CYP39A1: variants seen among roughly 807,000 people sequenced by gnomAD.
The protein encoded by CYP39A1 is 24-hydroxycholesterol 7-alpha-hydroxylase.
CYP39A1 carries 49 observed loss-of-function variants against 58.1 expected under a neutral mutation model. That is an observed-to-expected ratio of 0.84 (90% CI 0.67 to 1.07). CYP39A1 has a LOEUF of 1.07. CYP39A1 is among the 50% of genes least tolerant of loss of function. The pLI is 0.00. For missense variants in CYP39A1, 531 were observed against 539.4 expected (o/e 0.98, Z 0.16); for synonymous variants, 209 against 187.6 (o/e 1.11, Z -0.93).
In CYP39A1 at chr6:46,575,283, C is replaced by T. The variant is rs541965498; in HGVS notation, c.1250+11794G>A. Among the ~76,000 whole-genome samples the T allele has an allele frequency of 4.6e-5, 7 of 152,276 alleles. 1 individual carries two copies. In the South Asian group the frequency reaches 8.3e-4, roughly 18 times the overall value. On this transcript the variant is annotated intron_variant, in intron 10 of 11. Coordinates refer to ENST00000275016, the MANE Select transcript of CYP39A1 (RefSeq NM_016593.5). ...GTGGAGCATGGCCATGGACACTCAT[C>T]CCACAAGGCTCACCATACTCCTTTA... is the stretch of plus-strand genomic sequence containing the variant.
At chr6:46,576,005 T>C (rs187806712) in intron 10 of CYP39A1, among the ~76,000 whole-genome samples, 24 of 152,270 alleles carry the variant, frequency 1.6e-4, no homozygotes, top group African/African-American at 4.3e-4. Flanking sequence ...TCAGGAAACA[T>C]AGTGGCTTCT....
At chr6:46,607,410 CCTT>C (rs1159986298) in intron 7 of CYP39A1, among the ~76,000 whole-genome samples, 1 of 151,418 alleles carries the variant, frequency 6.6e-6, no homozygotes, top group East Asian at 1.9e-4. Context: ...TAAAGGATGT[CCTT>C]CTTTGAGAGA....
At chr6:46,640,299 G>T (rs1776250890) in intron 2 of CYP39A1, among the ~76,000 whole-genome samples, 1 of 152,096 alleles carries the variant, frequency 6.6e-6, no homozygotes, top group South Asian at 2.1e-4. Context: ...TGTTCTGTCT[G>T]CTCAGAATGT....
chr6:46,596,219 C>A, intron 7 of CYP39A1, 99 bp from the exon 8 acceptor site: 9 of 825,142 alleles, frequency 1.1e-5, no homozygotes, highest in Non-Finnish European at 1.3e-5. Flanking sequence ...CCTCTGACAG[C>A]AAGTAAAGTG....
At chr6:46,650,530 G>A (rs1360169736) in intron 1 of CYP39A1, among the ~76,000 whole-genome samples, 3 of 104,990 alleles carry the variant, frequency 2.9e-5, no homozygotes, top group Admixed American at 2.9e-4. Context: ...AAGAGACAAG[G>A]TCTCGCTCTG....
At chr6:46,622,507 G>C (rs995409410) in intron 7 of CYP39A1, among the ~76,000 whole-genome samples, 4 of 149,676 alleles carry the variant, frequency 2.7e-5, no homozygotes, top group Admixed American at 1.3e-4. Context: ...TAGCTACTCA[G>C]GAGGCTGTGG....
intron 8 of CYP39A1, among the ~76,000 whole-genome samples, chr6:46,593,569 GTTAAATAAATCA>G (rs1772969526): frequency 2.0e-5 from 3 of 152,076 alleles, no homozygotes; most frequent in Non-Finnish European, 4.4e-5. Context: ...CATAAGGTCA[GTTAAATAAATCA>G]TGTCTCCTTT....
intron 8 of CYP39A1, among the ~76,000 whole-genome samples, chr6:46,594,547 C>G (rs1011568271): frequency 6.6e-6 from 1 of 151,938 alleles, no homozygotes; most frequent in African/African-American, 2.4e-5. Flanking sequence ...GTTCCAAGAA[C>G]ATACAATAGA....
chr6:46,575,880 A>G (rs1293958370), intron 10 of CYP39A1, among the ~76,000 whole-genome samples: 1 of 152,194 alleles, frequency 6.6e-6, no homozygotes, highest in Non-Finnish European at 1.5e-5. Flanking sequence ...CTTATACCAC[A>G]GCCAAATCCT....
intron 1 of CYP39A1, among the ~76,000 whole-genome samples, chr6:46,649,537 G>T (rs1479998929): frequency 1.3e-5 from 2 of 152,188 alleles, no homozygotes; most frequent in African/African-American, 4.8e-5. Context: ...CATCTTCAAA[G>T]AATTAGGAGT....
At chr6:46,568,177 T>A (rs1053113872) in intron 10 of CYP39A1, among the ~76,000 whole-genome samples, 2 of 152,174 alleles carry the variant, frequency 1.3e-5, no homozygotes, top group Non-Finnish European at 2.9e-5. Context: ...CATCTTTTCA[T>A]GTGCTTACTG....
intron 6 of CYP39A1, 53 bp downstream of exon 6, chr6:46,630,910 A>T (rs574977397): frequency 4.3e-5 from 55 of 1,264,652 alleles, no homozygotes; most frequent in Non-Finnish European, 5.8e-5. Flanking sequence ...AAGGAAAAAA[A>T]GATGAAAGGA....
intron 10 of CYP39A1, among the ~76,000 whole-genome samples, chr6:46,586,079 G>C (rs549202490): frequency 6.6e-6 from 1 of 152,224 alleles, no homozygotes; most frequent in East Asian, 1.9e-4. Context: ...AATGAGGATA[G>C]AATTTCCATG....
Position 46,553,822 on chromosome 6 carries a change from A to G in CYP39A1, c.1283T>C (p.Ile428Thr). The G allele has an allele frequency of 6.2e-7, 1 of 1,610,538 alleles. No individual in the cohort carries two copies. Among genetic ancestry groups the G allele is most frequent in the Non-Finnish European group, 8.5e-7 (1 of 1,177,952 alleles). ...GTCATATTTATAAAGTATTAAAATA[A>G]TACACATCTGAACCTCTAACAGAGC... ...WFALLEVQMC[I>T]ILILYKYDCS... Residue 428 changes from isoleucine to threonine, a missense_variant, in exon 11 of 12, where the codon ATT becomes ACT. Transcript: ENST00000275016.
chr6:46,574,878 C>T (rs1527692), intron 10 of CYP39A1, among the ~76,000 whole-genome samples: 12,164 of 151,404 alleles, frequency 0.08, 824 homozygotes, highest in Admixed American at 0.18. Context: ...TAGATACAGC[C>T]AGGAAGAAAT....
intron 10 of CYP39A1, among the ~76,000 whole-genome samples, chr6:46,570,580 A>C (rs1264210021): frequency 6.6e-6 from 1 of 152,152 alleles, no homozygotes; most frequent in Non-Finnish European, 1.5e-5. Context: ...GGAATTTATA[A>C]AGAAAAGAGG....
intron 10 of CYP39A1, among the ~76,000 whole-genome samples, chr6:46,585,252 A>C (rs995093883): frequency 2.6e-5 from 4 of 152,170 alleles, no homozygotes; most frequent in Non-Finnish European, 5.9e-5. Flanking sequence ...AAGACATTTC[A>C]GTCATTGGTT....
intron 7 of CYP39A1, among the ~76,000 whole-genome samples, chr6:46,600,538 C>T (rs1216705576): frequency 6.6e-6 from 1 of 152,090 alleles, no homozygotes; most frequent in Non-Finnish European, 1.5e-5. Flanking sequence ...AGCCCCATTC[C>T]CCAGCCTCTG....
chr6:46,623,220 T>A (rs373058339), intron 7 of CYP39A1, among the ~76,000 whole-genome samples: 78 of 152,276 alleles, frequency 5.1e-4, no homozygotes, highest in African/African-American at 1.8e-3. Flanking sequence ...AAACATTATT[T>A]CTGGGTGTGT....
Sources: allele counts gnomAD v4.1 joint callset (sites outside exome capture counted in the v4.1 genomes callset), GRCh38; gene constraint gnomAD v4.1.1; transcripts MANE v1.5; gene names NCBI Gene and HGNC (gene_info 2026-07-23, HGNC 2026-07-21).